The following HCK variants were observed in gnomAD, a reference collection of about 807,000 sequenced individuals.
The protein encoded by HCK is HCK proto-oncogene, Src family tyrosine kinase.
In HCK, 40 loss-of-function variants were observed where a neutral mutation model predicts 70.4. The ratio of observed to expected loss-of-function variants is 0.57; its 90% CI spans 0.44 to 0.74. The LOEUF (loss-of-function observed/expected upper bound fraction) is 0.74. Ranked by LOEUF, HCK falls within the 30% of genes least tolerant of loss-of-function variation. The pLI, the probability that HCK is intolerant of heterozygous loss-of-function variation, is 0.00. For missense variants in HCK, 568 were observed against 697.2 expected (o/e 0.81, Z 2.09); for synonymous variants, 245 against 263.2 (o/e 0.93, Z 0.67).
chr20:32,067,531 CTTTTTTTTTTTT>C (rs11482239), intron 1 of HCK, among the ~76,000 whole-genome samples: 1 of 110,334 alleles, frequency 9.1e-6, no homozygotes, highest in East Asian at 2.6e-4. Flanking sequence ...GATGCTTTTA[CTTTTTTTTTTTT>C]TTTTTTTTTG....
intron 6 of HCK, among the ~76,000 whole-genome samples, chr20:32,083,415 G>C (rs1051249122): frequency 1.3e-5 from 2 of 152,102 alleles, no homozygotes; most frequent in Non-Finnish European, 2.9e-5. Flanking sequence ...TTTTTTTCCA[G>C]AAAAGTCATA....
intron 1 of HCK, among the ~76,000 whole-genome samples, chr20:32,060,081 C>T (rs1002689553): frequency 2.6e-4 from 40 of 152,196 alleles, no homozygotes; most frequent in African/African-American, 8.2e-4. Context: ...GGTGAACTGG[C>T]CACCATGTCC....
At chr20:32,096,006 C>T (rs925597711) in intron 11 of HCK, among the ~76,000 whole-genome samples, 9 of 151,912 alleles carry the variant, frequency 5.9e-5, no homozygotes, top group African/African-American at 1.7e-4. Flanking sequence ...TGTCCTGCCT[C>T]AGCCTCCCAA....
Position 32,052,450 on chromosome 20 carries a change from A to G in HCK, c.26A>G (p.Asp9Gly). ...CTGGGGGGGCGCTCAAGCTGCGAGG[A>G]TCCGGGCTGCCCGCGAGACGAGGAG... Residue 9 changes from aspartate to glycine, a missense_variant, in exon 1 of 13, where the codon GAT (aspartate) becomes GGT (glycine). Physicochemically the swap from Asp to Gly is moderately conservative, Grantham distance 94. Transcript: ENST00000375852. 2 of 1,277,372 alleles carry G rather than the reference A, an allele frequency of 1.6e-6. No individual in the cohort carries two copies. The highest frequency in any genetic ancestry group is 2.0e-6 in the Non-Finnish European group (2 of 1,002,906). 79.1% of individuals were successfully genotyped at this position (1,277,372 alleles called of 1,614,324 possible).
At chr20:32,097,552 C>T (rs537330340) in intron 11 of HCK, among the ~76,000 whole-genome samples, 27 of 152,162 alleles carry the variant, frequency 1.8e-4, no homozygotes, top group African/African-American at 6.0e-4. Context: ...TGCACTCCAG[C>T]CTGGGCAAAC....
chr20:32,087,054 C>T (rs73248938), intron 9 of HCK, among the ~76,000 whole-genome samples: 6,619 of 152,188 alleles, frequency 0.043, 430 homozygotes, highest in African/African-American at 0.14. Flanking sequence ...GGAATGGGGC[C>T]AGAATACTCC....
chr20:32,076,796 G>A (rs1010839519), intron 5 of HCK, among the ~76,000 whole-genome samples: 4 of 151,754 alleles, frequency 2.6e-5, no homozygotes, highest in East Asian at 2.0e-4. Flanking sequence ...ATCTAAATAC[G>A]CATATCTGGC....
At chr20:32,063,101 C>A (rs1483706281) in intron 1 of HCK, among the ~76,000 whole-genome samples, 1 of 152,074 alleles carries the variant, frequency 6.6e-6, no homozygotes, top group African/African-American at 2.4e-5. Context: ...ACTGACTAGC[C>A]GGGGGACCCA....
chr20:32,094,813 GAA>G (rs1491140415), intron 11 of HCK, among the ~76,000 whole-genome samples: 104 of 139,190 alleles, frequency 7.5e-4, no homozygotes, highest in East Asian at 1.4e-3. Context: ...AAGAAAGAAA[GAA>G]AGAAAGAAAG....
chr20:32,099,152 A>G lies in HCK; in HGVS notation c.1378+17A>G, dbSNP rs997052921. 2.5e-6 allele frequency: 4 copies of G among 1,612,200 alleles called. No homozygotes were observed. In the Admixed American group the frequency reaches 6.7e-5, roughly 27 times the overall value. On this transcript the variant is annotated intron_variant, in intron 12 of 12. Transcript: ENST00000375852. ...CTTACCCAGGTAGGGAAGGGGCATC[A>G]GCTCAGGGCTGCTACCAGGGCCCAG... is the stretch of plus-strand genomic sequence containing the variant.
intron 2 of HCK, chr20:32,072,563 T>TA (rs199684278): frequency 0.16 from 10,204 of 62,996 alleles, 1,156 homozygotes; most frequent in Middle Eastern, 0.26. Flanking sequence ...CCTGTCTCTT[T>TA]AAAAAAAAAA....
At chr20:32,073,585 G>C (rs1293737791) in intron 3 of HCK, 131 bp from the exon 4 acceptor site, 1 of 677,364 alleles carries the variant, frequency 1.5e-6, no homozygotes, top group Non-Finnish European at 2.6e-6. Context: ...ACCCAGCATG[G>C]TGAGACGCCT....
Position 32,073,055 on chromosome 20 carries a change from A to G in HCK, c.184-264A>G, listed in dbSNP as rs1342414884. Among the ~76,000 whole-genome samples, 9 of 152,134 alleles carry G rather than the reference A, an allele frequency of 5.9e-5. No individual in the cohort carries two copies. The East Asian group carries it at 1.4e-3, about 23-fold the overall frequency. ...GTGGAGGTTTCGGTGAGCTGAGATC[A>G]CGCCACTGCACTCCAGCCTGGGTGA... is the stretch of plus-strand genomic sequence containing the variant. On this transcript the variant is annotated intron_variant, in intron 2 of 12. Coordinates refer to ENST00000375852, the MANE Select transcript of HCK (RefSeq NM_002110.5).
Position 32,079,808 on chromosome 20 carries a change from G to A in HCK, c.463G>A (p.Glu155Lys), listed in dbSNP as rs764653552. 6.2e-7 allele frequency: 1 copy of A among 1,614,150 alleles called. No homozygotes were observed. The highest frequency in any genetic ancestry group is 1.1e-5 in the South Asian group (1 of 91,080). The stretch of plus-strand genomic sequence containing the variant: ...CAAGGGCATCAGCCGGAAGGACGCA[G>A]AGCGCCAACTGCTGGCTCCCGGCAA... The change falls in exon 6 of 13, where the codon GAG becomes AAG. Residue 155 changes from glutamate to lysine, a missense_variant. Glu to Lys is a moderately conservative substitution (Grantham distance 56). This residue lies in a region of HCK where 318 missense variants were observed against 336.0 expected (regional missense o/e 0.95). Coordinates refer to ENST00000375852, the MANE Select transcript of HCK (RefSeq NM_002110.5).
intron 10 of HCK, among the ~76,000 whole-genome samples, chr20:32,092,524 G>T (rs928106379): frequency 6.6e-6 from 1 of 152,136 alleles, no homozygotes; most frequent in East Asian, 1.9e-4. Context: ...AATCCTCCAC[G>T]CAGTCTGTTA....
chr20:32,056,699 G>A (rs542588526), intron 1 of HCK, among the ~76,000 whole-genome samples: 2 of 152,184 alleles, frequency 1.3e-5, no homozygotes, highest in East Asian at 3.9e-4. Context: ...CAGAAAGCAC[G>A]AATCTTAATC....
chr20:32,094,811 A>AGAGAAAGAGAAAG (rs1569010819), intron 11 of HCK, among the ~76,000 whole-genome samples: 2 of 121,932 alleles, frequency 1.6e-5, no homozygotes, highest in Non-Finnish European at 3.7e-5. Flanking sequence ...GAAAGAAAGA[A>AGAGAAAGAGAAAG]AGAAAGAAAG....
At chr20:32,094,706 A>AAGAAAGAAAG (rs1252370105) in intron 11 of HCK, among the ~76,000 whole-genome samples, 1,547 of 16,082 alleles carry the variant, frequency 0.096, 97 homozygotes, top group African/African-American at 0.25. Flanking sequence ...AAAGAAAAGA[A>AAGAAAGAAAG]AAGAAAGAAA....
intron 6 of HCK, 76 bp from the exon 7 acceptor site, chr20:32,083,818 A>T: frequency 6.5e-7 from 1 of 1,543,334 alleles, no homozygotes; most frequent in Non-Finnish European, 8.9e-7. Flanking sequence ...GTAGCCTTAC[A>T]GGGTGTCAGA....
Sources: allele counts gnomAD v4.1 joint callset (sites outside exome capture counted in the v4.1 genomes callset), GRCh38; gene constraint gnomAD v4.1.1; regional missense constraint gnomAD v4.1.1; transcripts MANE v1.5; gene names NCBI Gene and HGNC (gene_info 2026-07-23, HGNC 2026-07-21).